The following CNTN5 variants were observed in gnomAD, a reference collection of about 807,000 sequenced individuals.
The protein encoded by CNTN5 is contactin 5.
A neutral mutation model predicts 129.1 loss-of-function variants in CNTN5; 77 were observed. That is an observed-to-expected ratio of 0.60 (90% CI 0.50 to 0.72). CNTN5 has a LOEUF of 0.72. CNTN5 is among the 30% of genes least tolerant of loss of function. CNTN5 has a pLI of 0.00. For synonymous variants in CNTN5, 509 were observed against 465.6 expected, an observed-to-expected ratio of 1.09 and a Z score of -1.20; for missense variants, 1,478 against 1,328.8, an observed-to-expected ratio of 1.11 and a Z score of -1.75.
chr11:99,982,421 G>C (rs1938405009), intron 8 of CNTN5, among the ~76,000 whole-genome samples: 1 of 152,122 alleles, frequency 6.6e-6, no homozygotes, highest in South Asian at 2.1e-4. Context: ...CAGCTGGCAG[G>C]AGGCTGAATA....
At chr11:100,282,533 TG>T (rs1423377759) in intron 18 of CNTN5, among the ~76,000 whole-genome samples, 1 of 152,224 alleles carries the variant, frequency 6.6e-6, no homozygotes, top group Non-Finnish European at 1.5e-5. Context: ...GGGTCAGACC[TG>T]AAGCCAGTCC....
Position 99,132,599 on chromosome 11 carries a change from A to G in CNTN5, c.-210+111329A>G, listed in dbSNP as rs1321681966. ...ATGTGCAGAAATCACAAGCATTCCT[A>G]TACACCAACAACAGGCAAGCAGAGA... On this transcript the variant is annotated intron_variant, in intron 1 of 24. Transcript: ENST00000524871. Among the ~76,000 whole-genome samples the G allele has an allele frequency of 4.6e-5, 7 of 152,142 alleles. No individual in the cohort carries two copies. In the East Asian group the frequency reaches 1.2e-3, roughly 25 times the overall value.
rs180713006 is a variant in CNTN5, at chr11:99,989,013, A to C, written c.878-13021A>C. 1.1e-4 allele frequency among the ~76,000 whole-genome samples: 16 copies of C among 152,236 alleles called. No individual in the cohort carries two copies. In the East Asian group the frequency reaches 1.5e-3, roughly 15 times the overall value. ...CTGTGGATAAGGTGATTTATGATTA[A>C]TTTGTCTAATACATTGAGTAAAGTC... On this transcript the variant is annotated intron_variant, in intron 8 of 24. Coordinates refer to ENST00000524871, the MANE Select transcript of CNTN5 (RefSeq NM_014361.4).
intron 21 of CNTN5, among the ~76,000 whole-genome samples, chr11:100,319,511 G>C (rs556142494): frequency 8.1e-4 from 123 of 152,250 alleles, no homozygotes; most frequent in African/African-American, 2.5e-3. Context: ...ATGCTTTGAA[G>C]TATATATACA....
intron 1 of CNTN5, among the ~76,000 whole-genome samples, chr11:99,072,633 T>C (rs570110594): frequency 1.6e-3 from 243 of 152,234 alleles, no homozygotes; most frequent in Non-Finnish European, 2.8e-3. Context: ...TCTTCCAGGA[T>C]GAATAATACA....
intron 3 of CNTN5, among the ~76,000 whole-genome samples, chr11:99,620,149 G>T (rs933454688): frequency 6.6e-6 from 1 of 151,984 alleles, no homozygotes; most frequent in Non-Finnish European, 1.5e-5. Context: ...AAATCTGCAG[G>T]ATACATATTG....
At chr11:100,066,071 A>C (rs1943684057) in intron 10 of CNTN5, among the ~76,000 whole-genome samples, 1 of 152,114 alleles carries the variant, frequency 6.6e-6, no homozygotes, top group Non-Finnish European at 1.5e-5. Context: ...TGCCATATGT[A>C]TATTCACAGT....
At chr11:99,662,244 C>G (rs1226104927) in intron 3 of CNTN5, among the ~76,000 whole-genome samples, 1 of 152,016 alleles carries the variant, frequency 6.6e-6, no homozygotes, top group Non-Finnish European at 1.5e-5. Context: ...TTAATAATGA[C>G]ATAAAATTAG....
At chr11:99,931,961 C>T (rs919845948) in intron 7 of CNTN5, among the ~76,000 whole-genome samples, 3 of 152,162 alleles carry the variant, frequency 2.0e-5, no homozygotes, top group Non-Finnish European at 4.4e-5. Flanking sequence ...ATAGAAACCT[C>T]CAATATCTCC....
At chr11:99,785,491 A>G (rs1424918236) in intron 3 of CNTN5, among the ~76,000 whole-genome samples, 1 of 152,056 alleles carries the variant, frequency 6.6e-6, no homozygotes, top group South Asian at 2.1e-4. Flanking sequence ...TATGTCCTGA[A>G]TGATATTGCC....
intron 2 of CNTN5, among the ~76,000 whole-genome samples, chr11:99,480,312 G>C (rs1015268120): frequency 6.6e-6 from 1 of 152,140 alleles, no homozygotes; most frequent in Non-Finnish European, 1.5e-5. Flanking sequence ...CTGCCAGTAA[G>C]TAGCCAACAT....
At chr11:100,300,482 C>T (rs866335049) in intron 20 of CNTN5, among the ~76,000 whole-genome samples, 3 of 151,524 alleles carry the variant, frequency 2.0e-5, no homozygotes, top group Middle Eastern at 3.4e-3. Context: ...ATAAACTAAC[C>T]CTTATACTTC....
At chr11:100,048,580 A>G (rs1242162693) in intron 9 of CNTN5, among the ~76,000 whole-genome samples, 2 of 152,082 alleles carry the variant, frequency 1.3e-5, no homozygotes, top group East Asian at 1.9e-4. Flanking sequence ...GAAAAAATGT[A>G]CTAGATTGGA....
chr11:100,106,670 A>C (rs1039627707), intron 13 of CNTN5, among the ~76,000 whole-genome samples: 1 of 152,174 alleles, frequency 6.6e-6, no homozygotes, highest in African/African-American at 2.4e-5. Context: ...AAAACAAACA[A>C]AAAAATGAAA....
chr11:99,115,078 A>AGAATC (rs1857980113), intron 1 of CNTN5, among the ~76,000 whole-genome samples: 2 of 152,174 alleles, frequency 1.3e-5, no homozygotes, highest in African/African-American at 4.8e-5. Flanking sequence ...CACCACATAC[A>AGAATC]GAATCTGCTG....
intron 3 of CNTN5, among the ~76,000 whole-genome samples, chr11:99,748,525 G>A (rs1944131676): frequency 6.6e-6 from 1 of 152,110 alleles, no homozygotes; most frequent in Non-Finnish European, 1.5e-5. Context: ...TGTGCAAGCT[G>A]GAGAACTAGA....
At chr11:100,204,205 A>G (rs1029002975) in intron 15 of CNTN5, among the ~76,000 whole-genome samples, 4 of 148,046 alleles carry the variant, frequency 2.7e-5, no homozygotes, top group African/African-American at 9.9e-5. Flanking sequence ...CCAAATAAAT[A>G]TTTGTAGTCA....
At chr11:99,652,752 T>A (rs188228347) in intron 3 of CNTN5, among the ~76,000 whole-genome samples, 5 of 152,200 alleles carry the variant, frequency 3.3e-5, no homozygotes, top group East Asian at 3.9e-4. Context: ...GTATACACTA[T>A]TATATAATCA....
At chr11:99,855,962 A>G (rs1421778955) in intron 6 of CNTN5, among the ~76,000 whole-genome samples, 1 of 152,226 alleles carries the variant, frequency 6.6e-6, no homozygotes, top group African/African-American at 2.4e-5. Context: ...TACTCTTTCC[A>G]TAATTCTCTA....
Sources: allele counts gnomAD v4.1 joint callset (sites outside exome capture counted in the v4.1 genomes callset), GRCh38; gene constraint gnomAD v4.1.1; transcripts MANE v1.5; gene names NCBI Gene and HGNC (gene_info 2026-07-23, HGNC 2026-07-21).